The following LEPR variants were observed in gnomAD, a reference collection of about 807,000 sequenced individuals.
The protein encoded by LEPR is OB receptor.
LEPR carries 56 observed loss-of-function variants against 114.7 expected under a neutral mutation model. The observed-to-expected ratio is 0.49, with a 90% CI of 0.39 to 0.61. LEPR has a LOEUF of 0.61. Among genes scored for constraint, LEPR ranks in the 20% least tolerant of loss-of-function variants. LEPR has a pLI of 0.00. For missense variants in LEPR, 1,202 were observed against 1,352.9 expected, an observed-to-expected ratio of 0.89 and a Z score of 1.75; for synonymous variants, 443 against 461.4, an observed-to-expected ratio of 0.96 and a Z score of 0.51.
At chr1:65,455,347 A>G (rs995533816) in intron 2 of LEPR, among the ~76,000 whole-genome samples, 4 of 152,160 alleles carry the variant, frequency 2.6e-5, no homozygotes, top group African/African-American at 9.7e-5. Context: ...CCTTTGGAGG[A>G]GGAGAGGTGC....
chr1:65,429,737 C>T, intron 2 of LEPR: 1 of 802,890 alleles, frequency 1.2e-6, no homozygotes, highest in South Asian at 3.0e-5. Flanking sequence ...TTCTAATATT[C>T]ACAATTAATT....
At chr1:65,602,150 T>TA (rs1000511010) in intron 10 of LEPR, among the ~76,000 whole-genome samples, 190 bp downstream of exon 10, 22 of 152,194 alleles carry the variant, frequency 1.4e-4, no homozygotes, top group African/African-American at 2.4e-4. Context: ...CACCTGAGAT[T>TA]AAAAAATTGT....
chr1:65,475,983 C>G (rs1242618991), intron 2 of LEPR, among the ~76,000 whole-genome samples: 1 of 151,748 alleles, frequency 6.6e-6, no homozygotes, highest in Non-Finnish European at 1.5e-5. Flanking sequence ...CGCCACTGCA[C>G]TCCAGCCTGG....
At chr1:65,579,058 A>C (rs557010331) in intron 5 of LEPR, among the ~76,000 whole-genome samples, 1 of 152,290 alleles carries the variant, frequency 6.6e-6, no homozygotes, top group East Asian at 1.9e-4. Context: ...ATCTTTGTGC[A>C]ATCGTCATGA....
At chr1:65,614,550 T>C (rs1657406275) in intron 14 of LEPR, among the ~76,000 whole-genome samples, 1 of 152,162 alleles carries the variant, frequency 6.6e-6, no homozygotes, top group South Asian at 2.1e-4. Context: ...CTCACAGGGC[T>C]ATGGGCTAAC....
chr1:65,465,763 C>T (rs1203299614), intron 2 of LEPR, among the ~76,000 whole-genome samples: 2 of 152,106 alleles, frequency 1.3e-5, no homozygotes, highest in African/African-American at 4.8e-5. Context: ...TGAATTGATC[C>T]CTTTACCATT....
At chr1:65,435,662 C>T (rs113256767) in intron 2 of LEPR, 19,941 of 985,064 alleles carry the variant, frequency 0.02, 241 homozygotes, top group Non-Finnish European at 0.023. Context: ...CCACTGTGCC[C>T]AGCCAAAATG....
intron 19 of LEPR, among the ~76,000 whole-genome samples, chr1:65,628,516 A>G (rs891583064): frequency 2.6e-5 from 4 of 152,166 alleles, no homozygotes; most frequent in African/African-American, 9.7e-5. Context: ...TGACCAATGA[A>G]GAGTAATCCT....
At chr1:65,421,209 A>G in intron 1 of LEPR, 2 of 1,075,568 alleles carry the variant, frequency 1.9e-6, no homozygotes, top group Non-Finnish European at 2.6e-6. Context: ...GGCAGAGTTG[A>G]CCGCGGGCGG....
intron 18 of LEPR, 138 bp downstream of exon 18, chr1:65,621,596 A>G (rs1657892178): frequency 1.4e-6 from 1 of 715,976 alleles, no homozygotes; most frequent in Non-Finnish European, 2.4e-6. Context: ...TTAAGATAGC[A>G]TAAAAAGGAA....
intron 2 of LEPR, among the ~76,000 whole-genome samples, chr1:65,520,396 G>T (rs1627238): frequency 6.6e-6 from 1 of 151,922 alleles, no homozygotes; most frequent in African/African-American, 2.4e-5. Flanking sequence ...TATTATTTTC[G>T]CATCCCTCTG....
At chr1:65,443,695 A>G (rs1409539434) in intron 2 of LEPR, among the ~76,000 whole-genome samples, 1 of 152,138 alleles carries the variant, frequency 6.6e-6, no homozygotes, top group Non-Finnish European at 1.5e-5. Flanking sequence ...TAGTACCTAG[A>G]ATAGTGCCTG....
At chr1:65,585,064 G>A (rs1655227198) in intron 5 of LEPR, among the ~76,000 whole-genome samples, 1 of 151,692 alleles carries the variant, frequency 6.6e-6, no homozygotes, top group Non-Finnish European at 1.5e-5. Context: ...TTCCTCATGG[G>A]GTCTAGGAAT....
rs77286299 is a variant in LEPR at position 65,484,736 on chromosome 1, A to G, written c.-21+59358A>G. Among the ~76,000 whole-genome samples, 724 of 152,336 alleles carry G rather than the reference A, an allele frequency of 4.8e-3. 3 individuals are homozygous for G. The highest frequency in any genetic ancestry group is 0.016 in the African/African-American group (679 of 41,580). On this transcript the variant is annotated intron_variant, in intron 2 of 19. Transcript: ENST00000349533. ...AAGTTGTTCCACACCCAAAGAGATC[A>G]TATTTTGTAACAAGCCAATGAGATC... is the stretch of plus-strand genomic sequence containing the variant.
In LEPR at chr1:65,621,293, CAGAA is replaced by C. The variant is rs1317236258; in HGVS notation, c.2492-54_2492-51del. 5 of 1,441,944 alleles carry C rather than the reference CAGAA, an allele frequency of 3.5e-6. No homozygotes were observed. The African/African-American group carries it at 5.6e-5, about 16-fold the overall frequency. The allele number at this position is 1,441,944 out of a possible 1,614,324, so 89.3% of individuals were successfully genotyped here. A position where few individuals can be genotyped will look rare whatever the true frequency, so the allele number is the denominator to read the frequency against. On this transcript the variant is annotated intron_variant, in intron 17 of 19. Coordinates refer to ENST00000349533, the MANE Select transcript of LEPR (RefSeq NM_002303.6). Reference sequence around the variant, plus strand: ...AAAATGTCTACTATAATTTTTGATACAGAAAGAAATTAATATTTCCTCAAGTTTC... The same window carrying C: ...AAAATGTCTACTATAATTTTTGATACAGAAATTAATATTTCCTCAAGTTTC...
At chr1:65,622,757 T>G in intron 18 of LEPR, 149 bp from the exon 19 acceptor site, 1 of 749,582 alleles carries the variant, frequency 1.3e-6, no homozygotes, top group Non-Finnish European at 2.2e-6. Flanking sequence ...GGTAGAAATC[T>G]TCATGGGCTA....
chr1:65,621,222 T>A, intron 17 of LEPR, 131 bp from the exon 18 acceptor site: 1 of 728,540 alleles, frequency 1.4e-6, no homozygotes, highest in East Asian at 2.7e-5. Flanking sequence ...CTTCATTTTT[T>A]ATTTTTATAT....
At chr1:65,525,806 C>G in intron 2 of LEPR, 1 of 985,980 alleles carries the variant, frequency 1.0e-6, no homozygotes, top group Non-Finnish European at 1.2e-6. Context: ...TCGAGTTGGA[C>G]CCCCGGATCA....
chr1:65,484,412 C>T (rs868313868), intron 2 of LEPR, among the ~76,000 whole-genome samples: 1 of 151,724 alleles, frequency 6.6e-6, no homozygotes, highest in African/African-American at 2.4e-5. Flanking sequence ...AAAAAGAGTT[C>T]GTTTATCACA....
Sources: gnomAD v4.1 joint callset for allele counts (sites outside exome capture counted in the v4.1 genomes callset) on GRCh38, gnomAD v4.1.1 for gene constraint, MANE v1.5 for transcripts, NCBI Gene and HGNC (gene_info 2026-07-23, HGNC 2026-07-21) for gene names.